The following CLIC5 variants were observed in gnomAD, a reference collection of about 807,000 sequenced individuals.
CLIC5 encodes CLIC family member 5.
CLIC5 carries 20 observed loss-of-function variants against 24.7 expected under a neutral mutation model. That is an observed-to-expected ratio of 0.81 (90% CI 0.57 to 1.18). The LOEUF is 1.18. Ranked by LOEUF, CLIC5 falls within the 50% of genes most tolerant of loss-of-function variation. The probability of loss-of-function intolerance (pLI) is 0.00; values close to 1 mark genes in which losing one functional copy is unlikely to be tolerated. For synonymous variants in CLIC5, 159 were observed against 135.6 expected, an observed-to-expected ratio of 1.17 and a Z score of -1.20; for missense variants, 341 against 326.1, an observed-to-expected ratio of 1.05 and a Z score of -0.35.
At chr6:45,995,693 G>A (rs1255194565) in intron 1 of CLIC5, among the ~76,000 whole-genome samples, 2 of 152,062 alleles carry the variant, frequency 1.3e-5, no homozygotes, top group Non-Finnish European at 2.9e-5. Flanking sequence ...AGATTCAAAA[G>A]AAAATTCCAT....
chr6:45,904,110 A>AT (rs1360969163), intron 5 of CLIC5, among the ~76,000 whole-genome samples: 1 of 152,180 alleles, frequency 6.6e-6, no homozygotes, highest in East Asian at 1.9e-4. Context: ...AACTGACTGG[A>AT]TTTGCAATCA....
chr6:46,028,224 A>AG (rs1480397692), intron 1 of CLIC5, among the ~76,000 whole-genome samples: 1 of 152,190 alleles, frequency 6.6e-6, no homozygotes, highest in African/African-American at 2.4e-5. Context: ...GCCATGCCAA[A>AG]GTGGTCTGAT....
At chr6:45,968,802 G>A (rs987058677) in intron 1 of CLIC5, among the ~76,000 whole-genome samples, 8 of 152,168 alleles carry the variant, frequency 5.3e-5, no homozygotes, top group African/African-American at 1.9e-4. Context: ...TAGCAAGAAT[G>A]TTTGGAGAAG....
At chr6:46,049,411 C>G (rs1215917128) in intron 1 of CLIC5, among the ~76,000 whole-genome samples, 1 of 152,180 alleles carries the variant, frequency 6.6e-6, no homozygotes, top group Non-Finnish European at 1.5e-5. Flanking sequence ...CTCCCTGTCT[C>G]CCTTCTCCCC....
intron 4 of CLIC5, among the ~76,000 whole-genome samples, chr6:45,933,101 G>T (rs866987829): frequency 6.6e-6 from 1 of 152,202 alleles, no homozygotes; most frequent in Non-Finnish European, 1.5e-5. Context: ...GGAGCTTCCA[G>T]GTTCCAGAAA....
chr6:46,002,766 C>T lies in CLIC5; in HGVS notation c.63+12714G>A, dbSNP rs1029355923. On this transcript the variant is annotated intron_variant, in intron 1 of 5. Coordinates refer to ENST00000339561, the MANE Select transcript of CLIC5 (RefSeq NM_016929.5). ...TGGGTAGGAGACTTGAGAACAGGTG[C>T]GTCTTTAGGCTGCTCTAACTCACCC... Among the ~76,000 whole-genome samples the T allele has an allele frequency of 5.3e-5, 8 of 152,264 alleles. 1 individual carries two copies. The Middle Eastern group carries it at 0.014, about 259-fold the overall frequency.
At chr6:46,075,168 A>G (rs1363247002) in intron 1 of CLIC5, among the ~76,000 whole-genome samples, 1 of 152,190 alleles carries the variant, frequency 6.6e-6, no homozygotes, top group African/African-American at 2.4e-5. Context: ...AAGGTATCAT[A>G]ATGTCCATTT....
At chr6:45,974,568 G>A (rs1436230958) in intron 1 of CLIC5, among the ~76,000 whole-genome samples, 1 of 146,426 alleles carries the variant, frequency 6.8e-6, no homozygotes, top group African/African-American at 2.5e-5. Context: ...GAGAGAGAAA[G>A]AGAGAGAGAG....
chr6:46,077,611 G>A (rs1195939052), intron 1 of CLIC5, among the ~76,000 whole-genome samples: 3 of 152,062 alleles, frequency 2.0e-5, no homozygotes, highest in Admixed American at 6.5e-5. Context: ...AGATAGGGCC[G>A]AGTGTGGAGC....
chr6:45,941,738 A>G, intron 3 of CLIC5, 85 bp from the exon 4 acceptor site: 1 of 1,011,870 alleles, frequency 9.9e-7, no homozygotes, highest in Non-Finnish European at 1.6e-6. Context: ...GATAAGCAAT[A>G]CTTCCCTTTC....
intron 1 of CLIC5, among the ~76,000 whole-genome samples, chr6:45,997,524 A>G (rs915891176): frequency 2.6e-4 from 39 of 152,172 alleles, no homozygotes; most frequent in Admixed American, 1.6e-3. Flanking sequence ...AAAAAAAAAA[A>G]AAAGAAAGCC....
chr6:45,957,221 C>A (rs1244575806), intron 1 of CLIC5, among the ~76,000 whole-genome samples: 1 of 152,044 alleles, frequency 6.6e-6, no homozygotes, highest in Non-Finnish European at 1.5e-5. Flanking sequence ...GTGGACTTCT[C>A]AACTACATAA....
chr6:45,911,056 G>A (rs1455905428), intron 5 of CLIC5, among the ~76,000 whole-genome samples: 1 of 152,196 alleles, frequency 6.6e-6, no homozygotes, highest in Non-Finnish European at 1.5e-5. Flanking sequence ...CCTGGCACCA[G>A]CTGAGCATCA....
At chr6:46,004,025 A>C (rs948607056) in intron 1 of CLIC5, among the ~76,000 whole-genome samples, 1 of 152,234 alleles carries the variant, frequency 6.6e-6, no homozygotes, top group African/African-American at 2.4e-5. Flanking sequence ...GTATGTACAC[A>C]CAAGGAACCA....
At chr6:46,010,651 C>A (rs1265702116) in intron 1 of CLIC5, among the ~76,000 whole-genome samples, 4 of 152,236 alleles carry the variant, frequency 2.6e-5, no homozygotes, top group African/African-American at 9.6e-5. Flanking sequence ...GCTCTCAACA[C>A]TGGCAGTGGA....
At chr6:46,019,412 C>T (rs1032125032), upstream of CLIC5, among the ~76,000 whole-genome samples, 2 of 152,042 alleles carry the variant, frequency 1.3e-5, no homozygotes, top group Admixed American at 1.3e-4. Flanking sequence ...CTGGGCCGGG[C>T]GCGGTGGCTC....
chr6:46,031,367 A>G (rs1040577199), intron 1 of CLIC5, among the ~76,000 whole-genome samples: 1 of 152,210 alleles, frequency 6.6e-6, no homozygotes, highest in Non-Finnish European at 1.5e-5. Flanking sequence ...GACTCTCAGT[A>G]AAAGATGTGA....
intron 1 of CLIC5, among the ~76,000 whole-genome samples, chr6:46,015,120 C>T (rs965147370): frequency 3.3e-5 from 5 of 152,212 alleles, no homozygotes; most frequent in Admixed American, 6.5e-5. Context: ...GAAAGGTTCA[C>T]GGGTCCAGCC....
the CLIC5 span, among the ~76,000 whole-genome samples, chr6:46,114,472 T>C: frequency 6.6e-6 from 1 of 152,208 alleles, no homozygotes; most frequent in African/African-American, 2.4e-5. Context: ...CTTATCAGCA[T>C]GTATCTAGCT....
Sources: gnomAD v4.1 joint callset for allele counts (sites outside exome capture counted in the v4.1 genomes callset) on GRCh38, gnomAD v4.1.1 for gene constraint, MANE v1.5 for transcripts, NCBI Gene and HGNC (gene_info 2026-07-23, HGNC 2026-07-21) for gene names.